The following PCDH9 variants were observed in gnomAD, a reference collection of about 807,000 sequenced individuals.
The protein encoded by PCDH9 is protocadherin 9.
A neutral mutation model predicts 70.6 loss-of-function variants in PCDH9; 24 were observed. The observed-to-expected ratio is 0.34, with a 90% CI of 0.25 to 0.48. PCDH9 has a LOEUF of 0.48. Among genes scored for constraint, PCDH9 ranks in the 20% least tolerant of loss-of-function variants. PCDH9 has a pLI of 0.99. For missense variants in PCDH9, 1,281 were observed against 1,503.6 expected, an observed-to-expected ratio of 0.85 and a Z score of 2.45; for synonymous variants, 562 against 558.5, an observed-to-expected ratio of 1.01 and a Z score of -0.09.
At chr13:66,698,272 A>T (rs2078590544) in intron 3 of PCDH9, among the ~76,000 whole-genome samples, 1 of 152,148 alleles carries the variant, frequency 6.6e-6, no homozygotes, top group South Asian at 2.1e-4. Context: ...TAAAATAGTA[A>T]ATTCATGTTA....
chr13:66,811,514 C>T (rs1369293550), intron 3 of PCDH9, among the ~76,000 whole-genome samples: 1 of 152,094 alleles, frequency 6.6e-6, no homozygotes, highest in Non-Finnish European at 1.5e-5. Context: ...CTAATAGTTG[C>T]TACTTGGAAA....
chr13:66,378,320 T>G (rs1234064133), intron 4 of PCDH9, among the ~76,000 whole-genome samples: 1 of 152,244 alleles, frequency 6.6e-6, no homozygotes, highest in Non-Finnish European at 1.5e-5. Flanking sequence ...GAGTTCATTT[T>G]ACAGTTGTTA....
intron 3 of PCDH9, among the ~76,000 whole-genome samples, chr13:66,707,434 T>C (rs1332698216): frequency 6.6e-6 from 1 of 152,208 alleles, no homozygotes; most frequent in Non-Finnish European, 1.5e-5. Flanking sequence ...CCTCAAGTGC[T>C]GGCAATTTAA....
chr13:66,545,675 G>A (rs1034599858), intron 4 of PCDH9, among the ~76,000 whole-genome samples: 5 of 151,996 alleles, frequency 3.3e-5, no homozygotes, highest in Non-Finnish European at 4.4e-5. Flanking sequence ...TGATGTTGGC[G>A]TAAACAACTC....
intron 2 of PCDH9, among the ~76,000 whole-genome samples, chr13:67,185,967 G>A (rs2088748842): frequency 1.3e-5 from 2 of 152,072 alleles, no homozygotes; most frequent in Admixed American, 1.3e-4. Flanking sequence ...CCCGACCTCA[G>A]GTGATCTGCC....
chr13:67,151,681 C>T (rs2087665362), intron 2 of PCDH9, among the ~76,000 whole-genome samples: 1 of 149,944 alleles, frequency 6.7e-6, no homozygotes, highest in South Asian at 2.1e-4. Context: ...TTGCTCTATA[C>T]TTAGAGGAAG....
At chr13:67,023,899 C>G (rs1355629267) in intron 2 of PCDH9, among the ~76,000 whole-genome samples, 1 of 151,374 alleles carries the variant, frequency 6.6e-6, no homozygotes, top group Non-Finnish European at 1.5e-5. Context: ...TAAATTATAT[C>G]AATAACAGAC....
intron 4 of PCDH9, among the ~76,000 whole-genome samples, chr13:66,465,958 G>A (rs569441575): frequency 1.3e-5 from 2 of 152,050 alleles, no homozygotes; most frequent in African/African-American, 2.4e-5. Flanking sequence ...TAAGTCCAAT[G>A]TTATTGTTTC....
At chr13:67,028,714 C>G (rs1172243030) in intron 2 of PCDH9, among the ~76,000 whole-genome samples, 1 of 151,938 alleles carries the variant, frequency 6.6e-6, no homozygotes, top group Non-Finnish European at 1.5e-5. Flanking sequence ...TATTTTTCTT[C>G]CAAATAAATT....
At chr13:66,536,593 C>A (rs939199940) in intron 4 of PCDH9, among the ~76,000 whole-genome samples, 1 of 151,858 alleles carries the variant, frequency 6.6e-6, no homozygotes, top group African/African-American at 2.4e-5. Flanking sequence ...CAAGACAATA[C>A]AAATACAAAT....
intron 3 of PCDH9, 143 bp from the exon 4 acceptor site, chr13:66,631,554 G>T: frequency 1.7e-6 from 1 of 590,550 alleles, no homozygotes. Context: ...CTAAGAACAA[G>T]TATTAATTAC....
chr13:66,695,729 A>G (rs933323659), intron 3 of PCDH9, among the ~76,000 whole-genome samples: 12 of 152,152 alleles, frequency 7.9e-5, no homozygotes, highest in African/African-American at 2.7e-4. Context: ...AATATTTTTA[A>G]TTGACTGATT....
At chr13:66,533,656 C>A (rs1323096444) in intron 4 of PCDH9, among the ~76,000 whole-genome samples, 1 of 151,982 alleles carries the variant, frequency 6.6e-6, no homozygotes, top group Non-Finnish European at 1.5e-5. Flanking sequence ...TAAACAAAAA[C>A]CATTGTTAAA....
chr13:66,664,063 G>A (rs1336923238), intron 3 of PCDH9, among the ~76,000 whole-genome samples: 1 of 152,032 alleles, frequency 6.6e-6, no homozygotes, highest in Non-Finnish European at 1.5e-5. Context: ...GACCACTGTG[G>A]GATAAGTTTC....
At chr13:66,612,299 G>A (rs2077302477) in intron 4 of PCDH9, among the ~76,000 whole-genome samples, 1 of 152,258 alleles carries the variant, frequency 6.6e-6, no homozygotes, top group South Asian at 2.1e-4. Context: ...GCAACAACTA[G>A]TGAAAGACCA....
At chr13:66,359,963 A>G (rs917143322) in intron 4 of PCDH9, among the ~76,000 whole-genome samples, 11 of 152,072 alleles carry the variant, frequency 7.2e-5, no homozygotes, top group African/African-American at 2.4e-4. Context: ...ACATCTTTAA[A>G]TATATTTAGA....
intron 3 of PCDH9, among the ~76,000 whole-genome samples, chr13:66,786,545 T>C (rs927251736): frequency 2.6e-4 from 40 of 152,208 alleles, no homozygotes; most frequent in African/African-American, 9.4e-4. Context: ...ATTGATCTGA[T>C]TGCATCAAGA....
Position 66,732,138 on chromosome 13 carries a change from C to A in PCDH9, c.3139-100727G>T, listed in dbSNP as rs186388428. Reference sequence around the variant, plus strand: ...ATTTATTTTTATTTTTAAAAACTTTCTTTGATATACAATAGTTGTATGTAT... The same window carrying A: ...ATTTATTTTTATTTTTAAAAACTTTATTTGATATACAATAGTTGTATGTAT... On this transcript the variant is annotated intron_variant, in intron 3 of 4. Coordinates refer to ENST00000377865, the MANE Select transcript of PCDH9 (RefSeq NM_203487.3). Among the ~76,000 whole-genome samples the A allele has an allele frequency of 3.2e-3, 480 of 151,832 alleles. 7 individuals are homozygous for A. Among genetic ancestry groups the A allele is most frequent in the Middle Eastern group, 3.4e-3 (1 of 294 alleles).
chr13:66,304,789 C>A lies in PCDH9; in HGVS notation c.3580G>T (p.Asp1194Tyr). The A allele has an allele frequency of 6.2e-7, 1 of 1,613,498 alleles. No individual in the cohort carries two copies. Among genetic ancestry groups the A allele is most frequent in the South Asian group, 1.1e-5 (1 of 91,060 alleles). The change falls in exon 5 of 5, where the codon GAC (aspartate) becomes TAC (tyrosine). Residue 1194 changes from aspartate (D) to tyrosine (Y), a missense_variant. Physicochemically the swap from Asp to Tyr is radical, Grantham distance 160. Coordinates refer to ENST00000377865, the MANE Select transcript of PCDH9 (RefSeq NM_203487.3). Reference protein sequence around the residue: ...KEDSNRNQFNDRKQYGSNEGH... With the variant: ...KEDSNRNQFNYRKQYGSNEGH... The stretch of plus-strand genomic sequence containing the variant: ...TCATTGGAGCCATACTGCTTACGGT[C>A]ATTGAACTGGTTCCTGTTGCTGTCT...
Sources: allele counts gnomAD v4.1 joint callset (sites outside exome capture counted in the v4.1 genomes callset), GRCh38; gene constraint gnomAD v4.1.1; transcripts MANE v1.5; gene names NCBI Gene and HGNC (gene_info 2026-07-23, HGNC 2026-07-21).